LRRC63: variants seen among roughly 807,000 people sequenced by gnomAD.
LRRC63 encodes leucine rich repeat containing 63.
In LRRC63, 40 loss-of-function variants were observed where a neutral mutation model predicts 49.5. The ratio of observed to expected loss-of-function variants is 0.81; its 90% CI spans 0.63 to 1.05. LRRC63 has a LOEUF of 1.05. LRRC63 is among the 50% of genes least tolerant of loss of function. The pLI is 0.00. For missense variants in LRRC63, 636 were observed against 663.1 expected, an observed-to-expected ratio of 0.96 and a Z score of 0.45; for synonymous variants, 191 against 221.1, an observed-to-expected ratio of 0.86 and a Z score of 1.21.
intron 6 of LRRC63, 68 bp downstream of exon 6, chr13:46,246,693 C>G (rs116285442): frequency 1.5e-5 from 11 of 725,970 alleles, no homozygotes; most frequent in Non-Finnish European, 1.6e-5. Flanking sequence ...TAAAAATAGA[C>G]GTCTTTTAAT....
chr13:46,255,210 A>G (rs12184806), intron 7 of LRRC63, among the ~76,000 whole-genome samples: 11,349 of 152,078 alleles, frequency 0.075, 1,380 homozygotes, highest in African/African-American at 0.26. Context: ...GGTACCTAGA[A>G]TAGACAAATT....
chr13:46,228,707 A>C (rs1216100398), exon 4 of LRRC63: 2 of 1,546,512 alleles, frequency 1.3e-6, no homozygotes, highest in East Asian at 4.9e-5. Context: ...AGTGTCCCAA[A>C]GCAAATCCCA....
chr13:46,226,326 A>G (rs1324288100), intron 2 of LRRC63, among the ~76,000 whole-genome samples: 2 of 152,114 alleles, frequency 1.3e-5, no homozygotes, highest in Admixed American at 1.3e-4. Context: ...TGGTTCCTCT[A>G]TAAGTGGGGC....
chr13:46,231,890 A>T (rs775649295), intron 4 of LRRC63, among the ~76,000 whole-genome samples: 5 of 136,602 alleles, frequency 3.7e-5, no homozygotes, highest in Non-Finnish European at 6.1e-5. Context: ...ATCTCGGCTC[A>T]CTGCAAGCTC....
At chr13:46,260,267 T>A (rs544321547) in intron 7 of LRRC63, among the ~76,000 whole-genome samples, 1 of 152,166 alleles carries the variant, frequency 6.6e-6, no homozygotes, top group Non-Finnish European at 1.5e-5. Flanking sequence ...GAAAATGATA[T>A]GATATTGAAT....
intron 8 of LRRC63, among the ~76,000 whole-genome samples, 158 bp from the exon 9 acceptor site, chr13:46,266,575 A>G (rs1219278828): frequency 6.6e-6 from 1 of 152,218 alleles, no homozygotes. Flanking sequence ...ATTGCTTTAT[A>G]AATTAATTCT....
chr13:46,227,693 C>T, exon 3 of LRRC63: 1 of 1,550,352 alleles, frequency 6.5e-7, no homozygotes, highest in Non-Finnish European at 8.7e-7. Flanking sequence ...TTTCATCACC[C>T]CAGAAATCTA....
In LRRC63 at chr13:46,232,500, G is replaced by A. The variant is rs528216760; in HGVS notation, c.833-1692G>A. Among the ~76,000 whole-genome samples, 39 of 152,268 alleles carry A rather than the reference G, an allele frequency of 2.6e-4. No homozygotes were observed. The East Asian group carries it at 3.1e-3, about 12-fold the overall frequency. ...CCTTTGTAAACACATTGGAATTTCC[G>A]TTGAAATTCCATTCCTTAGGAATAA... On this transcript the variant is annotated intron_variant, in intron 4 of 9. Coordinates refer to ENST00000595396, the Ensembl canonical transcript of LRRC63.
At chr13:46,226,132 T>C (rs115830639) in intron 2 of LRRC63, among the ~76,000 whole-genome samples, 1,805 of 152,092 alleles carry the variant, frequency 0.012, 32 homozygotes, top group African/African-American at 0.041. Flanking sequence ...TACAGGAGCA[T>C]GATGCCACAC....
exon 3 of LRRC63, chr13:46,227,709 C>G: frequency 6.5e-7 from 1 of 1,550,374 alleles, no homozygotes; most frequent in Non-Finnish European, 8.7e-7. Flanking sequence ...ATCTACTAAG[C>G]ATGTCCGTGA....
At chr13:46,235,680 G>GT (rs2046884747) in intron 5 of LRRC63, among the ~76,000 whole-genome samples, 1 of 152,066 alleles carries the variant, frequency 6.6e-6, no homozygotes, top group South Asian at 2.1e-4. Context: ...CGTCAGATGG[G>GT]TAATGTGCCA....
chr13:46,261,061 G>A (rs1193041894), intron 7 of LRRC63, among the ~76,000 whole-genome samples: 1 of 152,176 alleles, frequency 6.6e-6, no homozygotes, highest in East Asian at 1.9e-4. Flanking sequence ...TCTTCAAGAA[G>A]CAATTCCCAC....
At chr13:46,234,193 T>C in exon 5 of LRRC63, 1 of 1,547,848 alleles carries the variant, frequency 6.5e-7, no homozygotes, top group Non-Finnish European at 8.7e-7. Context: ...TTTATTTAGG[T>C]CTCACCAAAA....
intron 9 of LRRC63, among the ~76,000 whole-genome samples, chr13:46,274,914 C>T (rs1478238123): frequency 6.6e-6 from 1 of 152,094 alleles, no homozygotes; most frequent in Non-Finnish European, 1.5e-5. Flanking sequence ...CTATATTCAC[C>T]TACAGTGCTA....
intron 4 of LRRC63, among the ~76,000 whole-genome samples, chr13:46,229,949 G>A (rs371891999): frequency 7.2e-5 from 11 of 152,036 alleles, no homozygotes; most frequent in African/African-American, 2.2e-4. Context: ...TGATGAGAGC[G>A]GGAGCAAGAG....
At chr13:46,225,652 A>G (rs1230458) in intron 2 of LRRC63, among the ~76,000 whole-genome samples, 81,687 of 152,100 alleles carry the variant, frequency 0.54, 25,564 homozygotes, top group African/African-American at 0.86. Flanking sequence ...ATATATTGGT[A>G]TAGCTATTTT....
chr13:46,236,692 G>T (rs1349553225), intron 5 of LRRC63, among the ~76,000 whole-genome samples: 2 of 152,130 alleles, frequency 1.3e-5, no homozygotes, highest in African/African-American at 4.8e-5. Flanking sequence ...TCAGGCTACA[G>T]TGAGAGAACA....
chr13:46,261,429 C>T (rs1452360134), intron 7 of LRRC63, among the ~76,000 whole-genome samples: 1 of 152,158 alleles, frequency 6.6e-6, no homozygotes, highest in African/African-American at 2.4e-5. Context: ...AGTTATGCTT[C>T]CACAAGCCGT....
chr13:46,268,831 TA>T (rs1358417874), intron 9 of LRRC63, among the ~76,000 whole-genome samples: 1 of 148,438 alleles, frequency 6.7e-6, no homozygotes, highest in Admixed American at 6.6e-5. Flanking sequence ...CTCTATGAAA[TA>T]ACAATGTCTA....
Sources: allele counts gnomAD v4.1 joint callset (sites outside exome capture counted in the v4.1 genomes callset), GRCh38; gene constraint gnomAD v4.1.1; transcripts MANE v1.5; gene names NCBI Gene and HGNC (gene_info 2026-07-23, HGNC 2026-07-21).